Variants in KCNMB2 observed in about 807,000 individuals in gnomAD.
KCNMB2 encodes calcium-activated potassium channel subunit beta-2.
A neutral mutation model predicts 24.5 loss-of-function variants in KCNMB2; 9 were observed. The ratio of observed to expected loss-of-function variants is 0.37; its 90% CI spans 0.22 to 0.64. The LOEUF is 0.64. Among genes scored for constraint, KCNMB2 ranks in the 30% least tolerant of loss-of-function variants. The probability of loss-of-function intolerance (pLI) is 0.63; values close to 1 mark genes in which losing one functional copy is unlikely to be tolerated. For missense variants in KCNMB2, 226 were observed against 284.3 expected (o/e 0.79, Z 1.47); for synonymous variants, 109 against 104.4 (o/e 1.04, Z -0.27).
At chr3:178,800,168 T>A (rs1713719298) in intron 1 of KCNMB2, among the ~76,000 whole-genome samples, 1 of 151,972 alleles carries the variant, frequency 6.6e-6, no homozygotes, top group Admixed American at 6.6e-5. Flanking sequence ...AGAGCAAAAA[T>A]CCACCAATGG....
At chr3:178,758,894 C>A (rs1242219989) in intron 1 of KCNMB2, among the ~76,000 whole-genome samples, 1 of 17,830 alleles carries the variant, frequency 5.6e-5, no homozygotes, top group Non-Finnish European at 9.1e-5. Context: ...ATATATATCT[C>A]CAAGAGGGAT....
At chr3:178,704,259 C>G (rs1371831062) in intron 1 of KCNMB2, among the ~76,000 whole-genome samples, 2 of 151,952 alleles carry the variant, frequency 1.3e-5, no homozygotes, top group African/African-American at 2.4e-5. Context: ...TGGCAGCTCC[C>G]AAGCAGAGAG....
At chr3:178,760,128 ATATATATATATATCCAAGAGGATATATC>A in intron 1 of KCNMB2, among the ~76,000 whole-genome samples, 1 of 39,390 alleles carries the variant, frequency 2.5e-5, no homozygotes, top group Non-Finnish European at 4.2e-5. Flanking sequence ...ATATATCTAT[ATATATATATATATCCAAGAGGATATATC>A]TATATATATA....
chr3:178,819,815 G>A (rs1308124215), intron 2 of KCNMB2, among the ~76,000 whole-genome samples: 3 of 152,086 alleles, frequency 2.0e-5, no homozygotes, highest in African/African-American at 7.2e-5. Context: ...AAAAGAATCT[G>A]AAAACTAGTA....
chr3:178,615,647 G>T (rs544311116), intron 1 of KCNMB2, among the ~76,000 whole-genome samples: 2 of 152,262 alleles, frequency 1.3e-5, no homozygotes, highest in South Asian at 2.1e-4. Flanking sequence ...GTGCTGCCTG[G>T]CCTGGGACTC....
chr3:178,552,958 A>C (rs1365592558), intron 1 of KCNMB2, among the ~76,000 whole-genome samples: 1 of 152,180 alleles, frequency 6.6e-6, no homozygotes, highest in Non-Finnish European at 1.5e-5. Flanking sequence ...ATAACACCTA[A>C]GCGTTTCTTA....
At chr3:178,633,639 G>A (rs768364052) in intron 1 of KCNMB2, among the ~76,000 whole-genome samples, 3 of 152,174 alleles carry the variant, frequency 2.0e-5, no homozygotes, top group Non-Finnish European at 4.4e-5. Flanking sequence ...TTCCCTCCTA[G>A]GCCTCTGGGC....
chr3:178,760,851 T>G (rs1391316535), intron 1 of KCNMB2, among the ~76,000 whole-genome samples: 2 of 151,956 alleles, frequency 1.3e-5, no homozygotes, highest in Non-Finnish European at 2.9e-5. Flanking sequence ...GTGTTGGCCA[T>G]TGAAGGAAAG....
chr3:178,763,318 G>A (rs977042805), intron 1 of KCNMB2, among the ~76,000 whole-genome samples: 2 of 152,122 alleles, frequency 1.3e-5, no homozygotes, highest in Non-Finnish European at 2.9e-5. Context: ...TGCTGTACAG[G>A]AGCAGAAAAG....
chr3:178,737,394 T>G (rs1723353829), intron 1 of KCNMB2, among the ~76,000 whole-genome samples: 1 of 152,256 alleles, frequency 6.6e-6, no homozygotes. Context: ...TTGTTTGTTT[T>G]TTACTTTTTA....
intron 1 of KCNMB2, among the ~76,000 whole-genome samples, chr3:178,632,443 G>A (rs1719354572): frequency 6.6e-6 from 1 of 152,174 alleles, no homozygotes; most frequent in Non-Finnish European, 1.5e-5. Flanking sequence ...AATCGTGGCA[G>A]AGGGGAACCA....
chr3:178,690,908 C>T (rs1034464676), intron 1 of KCNMB2, among the ~76,000 whole-genome samples: 1 of 151,760 alleles, frequency 6.6e-6, no homozygotes, highest in African/African-American at 2.4e-5. Flanking sequence ...TCAATTAAGG[C>T]CTTTGAGTTT....
chr3:178,548,800 T>C (rs538326884), intron 1 of KCNMB2, among the ~76,000 whole-genome samples: 1 of 152,358 alleles, frequency 6.6e-6, no homozygotes, highest in East Asian at 1.9e-4. Flanking sequence ...TATGTATAAA[T>C]AAGTTTTCCT....
chr3:178,756,032 C>G (rs1724022704), intron 1 of KCNMB2, among the ~76,000 whole-genome samples: 1 of 151,940 alleles, frequency 6.6e-6, no homozygotes, highest in South Asian at 2.1e-4. Flanking sequence ...TTGCTATATT[C>G]ATAAAATGAA....
chr3:178,639,027 CTT>C lies in KCNMB2; in HGVS notation c.-68+102317_-68+102318del, dbSNP rs528868235. Among the ~76,000 whole-genome samples the C allele has an allele frequency of 2.2e-3, 334 of 152,174 alleles. 1 individual carries two copies. Among genetic ancestry groups the C allele is most frequent in the African/African-American group, 7.6e-3 (316 of 41,524 alleles). On this transcript the variant is annotated intron_variant, in intron 1 of 4. Coordinates refer to ENST00000452583, the MANE Select transcript of KCNMB2 (RefSeq NM_181361.3). ...TTCATGTGTTAGATGTCTTTCTACT[CTT>C]GTTTGTTTTATCGGTTTTAGCTGTA...
chr3:178,684,845 A>T (rs920965181), intron 1 of KCNMB2, among the ~76,000 whole-genome samples: 5 of 152,168 alleles, frequency 3.3e-5, no homozygotes, highest in African/African-American at 1.2e-4. Context: ...AAATAAATAA[A>T]TAGTGTGTTA....
intron 2 of KCNMB2, among the ~76,000 whole-genome samples, chr3:178,821,083 C>A (rs1714608471): frequency 6.6e-6 from 1 of 152,182 alleles, no homozygotes; most frequent in African/African-American, 2.4e-5. Context: ...ATACCCCAGA[C>A]TCATTCTTCC....
chr3:178,758,481 C>T (rs1458029335), intron 1 of KCNMB2, among the ~76,000 whole-genome samples: 3 of 37,948 alleles, frequency 7.9e-5, no homozygotes, highest in African/African-American at 1.0e-4. Flanking sequence ...TATATATCTC[C>T]AAGAGGTGAT....
intron 1 of KCNMB2, among the ~76,000 whole-genome samples, chr3:178,584,131 G>C (rs1244751435): frequency 6.6e-6 from 1 of 152,220 alleles, no homozygotes; most frequent in Non-Finnish European, 1.5e-5. Context: ...GGGCTAACAC[G>C]TCTGCTTTAA....
Sources: allele counts gnomAD v4.1 joint callset (sites outside exome capture counted in the v4.1 genomes callset), GRCh38; gene constraint gnomAD v4.1.1; transcripts MANE v1.5; gene names NCBI Gene and HGNC (gene_info 2026-07-23, HGNC 2026-07-21).